The following TMEM132D variants were observed in gnomAD, a reference collection of about 807,000 sequenced individuals.
TMEM132D encodes the protein mature OL transmembrane protein.
In TMEM132D, 21 loss-of-function variants were observed where a neutral mutation model predicts 62.3. That is an observed-to-expected ratio of 0.34 (90% CI 0.24 to 0.49). The LOEUF is 0.49. Among genes scored for constraint, TMEM132D ranks in the 20% least tolerant of loss-of-function variants. The pLI, the probability that TMEM132D is intolerant of heterozygous loss-of-function variation, is 0.99. For synonymous variants in TMEM132D, 621 were observed against 575.6 expected (o/e 1.08, Z -1.13); for missense variants, 1,346 against 1,402.8 (o/e 0.96, Z 0.65).
chr12:129,076,837 G>C (rs1031721755), intron 8 of TMEM132D, among the ~76,000 whole-genome samples: 2 of 152,232 alleles, frequency 1.3e-5, no homozygotes, highest in Non-Finnish European at 2.9e-5. Context: ...CCTTCTTCTA[G>C]CTGCATCTTA....
intron 1 of TMEM132D, among the ~76,000 whole-genome samples, chr12:129,791,880 G>A (rs1036466677): frequency 1.3e-5 from 2 of 152,162 alleles, no homozygotes; most frequent in Non-Finnish European, 2.9e-5. Context: ...CCAGGAGGCT[G>A]TTTAACACAC....
chr12:129,153,074 T>C (rs906371962), intron 5 of TMEM132D, among the ~76,000 whole-genome samples: 21 of 152,134 alleles, frequency 1.4e-4, no homozygotes, highest in Non-Finnish European at 1.5e-5. Context: ...TGACTATCTC[T>C]AGGTTTTCTC....
At chr12:129,259,745 C>T (rs1158327588) in intron 4 of TMEM132D, among the ~76,000 whole-genome samples, 1 of 152,048 alleles carries the variant, frequency 6.6e-6, no homozygotes, top group African/African-American at 2.4e-5. Context: ...ATTTGGGAAC[C>T]ATTTTAGAAG....
intron 5 of TMEM132D, among the ~76,000 whole-genome samples, chr12:129,176,500 C>T (rs1877910179): frequency 6.6e-6 from 1 of 152,234 alleles, no homozygotes; most frequent in Admixed American, 6.5e-5. Flanking sequence ...TTGGCCAAGG[C>T]CACAGAGGAA....
chr12:129,898,059 G>A (rs966359016), intron 1 of TMEM132D, among the ~76,000 whole-genome samples: 1 of 152,146 alleles, frequency 6.6e-6, no homozygotes, highest in Non-Finnish European at 1.5e-5. Flanking sequence ...CTACCCCATT[G>A]AGTTTATCTG....
chr12:129,103,042 C>G (rs1222922548), intron 5 of TMEM132D, among the ~76,000 whole-genome samples: 1 of 152,176 alleles, frequency 6.6e-6, no homozygotes, highest in Non-Finnish European at 1.5e-5. Context: ...TCGTGGAAGG[C>G]AGTTATTGTC....
chr12:129,822,391 C>T (rs1872561249), intron 1 of TMEM132D, among the ~76,000 whole-genome samples: 2 of 152,166 alleles, frequency 1.3e-5, no homozygotes, highest in Admixed American at 6.5e-5. Flanking sequence ...ACCAGGGTAA[C>T]ACAGGTGGAA....
At chr12:129,285,676 T>C (rs1881276883) in intron 4 of TMEM132D, among the ~76,000 whole-genome samples, 1 of 152,310 alleles carries the variant, frequency 6.6e-6, no homozygotes, top group Admixed American at 6.5e-5. Context: ...TTCATCATTG[T>C]TTTTTCAAAT....
intron 1 of TMEM132D, among the ~76,000 whole-genome samples, chr12:129,725,610 A>G (rs929276773): frequency 6.6e-6 from 1 of 152,222 alleles, no homozygotes. Context: ...CAAGGCAAAT[A>G]GTTTCACAGT....
intron 2 of TMEM132D, among the ~76,000 whole-genome samples, chr12:129,567,232 T>C (rs1877390605): frequency 6.6e-6 from 1 of 152,236 alleles, no homozygotes; most frequent in South Asian, 2.1e-4. Context: ...TTTTTGATAT[T>C]GTAAAATGAA....
intron 1 of TMEM132D, among the ~76,000 whole-genome samples, chr12:129,719,223 C>T (rs1335904151): frequency 6.6e-6 from 1 of 152,044 alleles, no homozygotes; most frequent in Non-Finnish European, 1.5e-5. Flanking sequence ...CGCACGACTA[C>T]ACTACAGCCT....
chr12:129,571,124 G>A (rs1877500769), intron 2 of TMEM132D, among the ~76,000 whole-genome samples: 1 of 152,220 alleles, frequency 6.6e-6, no homozygotes, highest in Non-Finnish European at 1.5e-5. Context: ...CCATTTGAAT[G>A]TAGCCAAAGG....
chr12:129,160,969 C>T (rs1476392490), intron 5 of TMEM132D, among the ~76,000 whole-genome samples: 1 of 152,186 alleles, frequency 6.6e-6, no homozygotes, highest in Non-Finnish European at 1.5e-5. Context: ...TCACTCTCTG[C>T]AGAAAAATTC....
rs944768035 is a variant in TMEM132D, at chr12:129,773,764, G to A, written c.80-73066C>T. On this transcript the variant is annotated intron_variant, in intron 1 of 8. Coordinates refer to ENST00000422113, the MANE Select transcript of TMEM132D (RefSeq NM_133448.3). ...CTTCATATTCACCAGGACATTCTTG[G>A]TTGGAAGTAACATAAATCAACTTGG... Among the ~76,000 whole-genome samples the A allele has an allele frequency of 5.9e-5, 9 of 152,182 alleles. 1 individual carries two copies. The highest frequency in any genetic ancestry group is 4.6e-4 in the Admixed American group (7 of 15,274).
chr12:129,219,560 G>C (rs1208427718), intron 4 of TMEM132D, among the ~76,000 whole-genome samples: 1 of 152,160 alleles, frequency 6.6e-6, no homozygotes, highest in African/African-American at 2.4e-5. Flanking sequence ...CCCATGCAAG[G>C]AGAGAAATTC....
chr12:129,372,496 T>C (rs971969307), intron 3 of TMEM132D, among the ~76,000 whole-genome samples: 7 of 152,192 alleles, frequency 4.6e-5, no homozygotes, highest in African/African-American at 1.7e-4. Context: ...AGTAGTGGGC[T>C]AGCAAGTGAA....
At chr12:129,439,324 TC>T (rs1381517713) in intron 3 of TMEM132D, among the ~76,000 whole-genome samples, 2 of 152,220 alleles carry the variant, frequency 1.3e-5, no homozygotes, top group East Asian at 3.9e-4. Context: ...AGTTTTTCCC[TC>T]CTCTTTTTCT....
intron 6 of TMEM132D, among the ~76,000 whole-genome samples, chr12:129,083,214 A>T (rs1874509340): frequency 6.6e-6 from 1 of 152,222 alleles, no homozygotes; most frequent in Non-Finnish European, 1.5e-5. Context: ...ATGTGATAAG[A>T]AAGGCAGAGA....
chr12:129,179,941 T>C (rs1392091452), intron 5 of TMEM132D, among the ~76,000 whole-genome samples: 1 of 151,844 alleles, frequency 6.6e-6, no homozygotes, highest in Non-Finnish European at 1.5e-5. Flanking sequence ...GGCAGGAGAA[T>C]GGCTTGAACC....
Sources: gnomAD v4.1 joint callset for allele counts (sites outside exome capture counted in the v4.1 genomes callset) on GRCh38, gnomAD v4.1.1 for gene constraint, MANE v1.5 for transcripts, NCBI Gene and HGNC (gene_info 2026-07-23, HGNC 2026-07-21) for gene names.